The following IMMP2L variants were observed in gnomAD, a reference collection of about 807,000 sequenced individuals.
IMMP2L encodes the protein mitochondrial inner membrane protease subunit 2.
A neutral mutation model predicts 19.3 loss-of-function variants in IMMP2L; 18 were observed. The ratio of observed to expected loss-of-function variants is 0.93; its 90% CI spans 0.64 to 1.38. IMMP2L has a LOEUF of 1.38. IMMP2L is among the 40% of genes most tolerant of loss of function. The pLI is 0.00. For synonymous variants in IMMP2L, 76 were observed against 73.0 expected (o/e 1.04, Z -0.21); for missense variants, 233 against 218.2 (o/e 1.07, Z -0.43).
chr7:111,062,456 T>C (rs1202447348), intron 3 of IMMP2L, among the ~76,000 whole-genome samples: 1 of 152,122 alleles, frequency 6.6e-6, no homozygotes, highest in Non-Finnish European at 1.5e-5. Context: ...GCCAACTGTA[T>C]TGTTCTGCCC....
chr7:111,558,448 G>C (rs533748433), intron 1 of IMMP2L, among the ~76,000 whole-genome samples: 1 of 152,334 alleles, frequency 6.6e-6, no homozygotes, highest in African/African-American at 2.4e-5. Context: ...TTTTACGGCA[G>C]ATTCTGTGCC....
At position 111,435,937 on chromosome 7, in the gene IMMP2L, C is replaced by A. The variant is rs577636549; in HGVS notation, c.239+51301G>T. Among the ~76,000 whole-genome samples the A allele has an allele frequency of 2.3e-4, 35 of 151,820 alleles. 1 individual carries two copies. Among genetic ancestry groups the A allele is most frequent in the African/African-American group, 8.3e-4 (34 of 41,154 alleles). ...ACCCCCTATAGATGTAGACAGCCAG[C>A]CTAGAATTTCCTCCGCATACTTCCT... is the stretch of plus-strand genomic sequence containing the variant. On this transcript the variant is annotated intron_variant, in intron 3 of 5. Transcript: ENST00000405709.
chr7:110,752,959 C>T (rs1253426942), intron 5 of IMMP2L, among the ~76,000 whole-genome samples: 2 of 152,012 alleles, frequency 1.3e-5, no homozygotes, highest in Non-Finnish European at 1.5e-5. Flanking sequence ...TTGCTAAGTC[C>T]TTTAAAGGAA....
At chr7:111,529,762 T>C (rs569062385) in intron 1 of IMMP2L, among the ~76,000 whole-genome samples, 1 of 152,246 alleles carries the variant, frequency 6.6e-6, no homozygotes, top group Admixed American at 6.5e-5. Context: ...TGACTTTCTG[T>C]TGGTAAACTG....
intron 3 of IMMP2L, among the ~76,000 whole-genome samples, chr7:111,111,195 C>T (rs886356229): frequency 1.3e-5 from 2 of 150,956 alleles, no homozygotes; most frequent in Non-Finnish European, 2.9e-5. Context: ...AACTCTTTTT[C>T]TCCATTAAGA....
intron 4 of IMMP2L, among the ~76,000 whole-genome samples, chr7:110,907,940 C>A (rs1472955845): frequency 1.3e-5 from 2 of 152,080 alleles, no homozygotes; most frequent in African/African-American, 4.8e-5. Context: ...AGGAGCCAAG[C>A]CTTACTCATG....
At position 111,421,443 on chromosome 7, in the gene IMMP2L, T is replaced by C. The variant is rs984878455; in HGVS notation, c.239+65795A>G. Among the ~76,000 whole-genome samples the C allele has an allele frequency of 2.6e-4, 39 of 150,948 alleles. 2 individuals are homozygous for C. The highest frequency in any genetic ancestry group is 9.6e-4 in the African/African-American group (39 of 40,540). On this transcript the variant is annotated intron_variant, in intron 3 of 5. Coordinates refer to ENST00000405709, the MANE Select transcript of IMMP2L (RefSeq NM_032549.4). Reference sequence around the variant, plus strand: ...CGCCATCATGCCCGGCTAATTTTTTTTTGTATTTTTAGTAGAGACGGGGTT... The same window carrying C: ...CGCCATCATGCCCGGCTAATTTTTTCTTGTATTTTTAGTAGAGACGGGGTT...
chr7:110,815,519 T>C (rs1320177065), intron 5 of IMMP2L, among the ~76,000 whole-genome samples: 1 of 152,162 alleles, frequency 6.6e-6, no homozygotes, highest in Non-Finnish European at 1.5e-5. Flanking sequence ...TTCTATTGAT[T>C]GGAATAGTTT....
intron 3 of IMMP2L, among the ~76,000 whole-genome samples, chr7:111,333,491 A>G (rs1337663945): frequency 3.3e-5 from 5 of 152,010 alleles, no homozygotes; most frequent in Non-Finnish European, 7.4e-5. Flanking sequence ...GGAAATGTAT[A>G]TGGGTTCAAG....
At chr7:111,423,707 G>GA (rs926910151) in intron 3 of IMMP2L, among the ~76,000 whole-genome samples, 1 of 151,022 alleles carries the variant, frequency 6.6e-6, no homozygotes, top group African/African-American at 2.4e-5. Flanking sequence ...GAGAAAGCAG[G>GA]AAAGATCTAA....
chr7:110,755,774 G>A (rs1798003050), intron 5 of IMMP2L, among the ~76,000 whole-genome samples: 1 of 152,086 alleles, frequency 6.6e-6, no homozygotes, highest in Non-Finnish European at 1.5e-5. Context: ...AGCATACCTG[G>A]TAGGTGCTGT....
chr7:111,443,529 G>C (rs866040972), intron 3 of IMMP2L, among the ~76,000 whole-genome samples: 2 of 152,110 alleles, frequency 1.3e-5, no homozygotes, highest in Non-Finnish European at 2.9e-5. Flanking sequence ...CATTTATCAA[G>C]TCTCCTCTGA....
intron 4 of IMMP2L, among the ~76,000 whole-genome samples, chr7:110,932,473 C>T (rs1330766767): frequency 1.3e-5 from 2 of 152,152 alleles, no homozygotes; most frequent in African/African-American, 4.8e-5. Context: ...CCTGCCTCAG[C>T]CTCCTGAGTA....
chr7:111,452,782 G>A (rs1839326728), intron 3 of IMMP2L, among the ~76,000 whole-genome samples: 1 of 151,980 alleles, frequency 6.6e-6, no homozygotes, highest in African/African-American at 2.4e-5. Flanking sequence ...ATTTAATACA[G>A]CAATCTACTA....
At chr7:111,212,569 C>T (rs918544432) in intron 3 of IMMP2L, among the ~76,000 whole-genome samples, 26 of 152,140 alleles carry the variant, frequency 1.7e-4, no homozygotes, top group African/African-American at 6.3e-4. Context: ...TGAGATCACA[C>T]CACTGCACTC....
chr7:111,008,376 G>T (rs1207955612), intron 3 of IMMP2L, among the ~76,000 whole-genome samples: 1 of 152,032 alleles, frequency 6.6e-6, no homozygotes, highest in African/African-American at 2.4e-5. Context: ...TCTGTACTAA[G>T]ATTGCTCTGC....
intron 4 of IMMP2L, among the ~76,000 whole-genome samples, chr7:110,944,444 A>T (rs967196957): frequency 6.8e-6 from 1 of 147,840 alleles, no homozygotes; most frequent in African/African-American, 2.4e-5. Context: ...TAGCTCAAGC[A>T]CATAGAGTGT....
intron 3 of IMMP2L, among the ~76,000 whole-genome samples, chr7:111,274,082 T>C (rs951316234): frequency 2.6e-5 from 4 of 152,076 alleles, no homozygotes; most frequent in Admixed American, 6.5e-5. Context: ...AATTATTACT[T>C]CCATCTGGGT....
chr7:110,862,981 T>A (rs547249678), intron 5 of IMMP2L, among the ~76,000 whole-genome samples: 1 of 152,130 alleles, frequency 6.6e-6, no homozygotes, highest in African/African-American at 2.4e-5. Flanking sequence ...CCTCCACACA[T>A]TACCCTGTGG....
Sources: gnomAD v4.1 joint callset for allele counts (sites outside exome capture counted in the v4.1 genomes callset) on GRCh38, gnomAD v4.1.1 for gene constraint, MANE v1.5 for transcripts, NCBI Gene and HGNC (gene_info 2026-07-23, HGNC 2026-07-21) for gene names.